The following NELL1 variants were observed in gnomAD, a reference collection of about 807,000 sequenced individuals.
The protein encoded by NELL1 is neural EGFL like 1, also known as protein kinase C-binding protein NELL1.
NELL1 carries 76 observed loss-of-function variants against 107.4 expected under a neutral mutation model. The observed-to-expected ratio is 0.71, with a 90% CI of 0.59 to 0.86. The LOEUF is 0.86. NELL1 is among the 40% of genes least tolerant of loss of function. The pLI is 0.00. For synonymous variants in NELL1, 353 were observed against 341.2 expected, an observed-to-expected ratio of 1.03 and a Z score of -0.38; for missense variants, 1,024 against 1,005.5, an observed-to-expected ratio of 1.02 and a Z score of -0.25.
intron 14 of NELL1, among the ~76,000 whole-genome samples, chr11:21,356,236 T>C (rs1437893002): frequency 6.6e-6 from 1 of 152,198 alleles, no homozygotes; most frequent in African/African-American, 2.4e-5. Flanking sequence ...AATATTTTTA[T>C]CTGTTCTGTT....
At chr11:21,419,991 C>T (rs1852619340) in intron 15 of NELL1, among the ~76,000 whole-genome samples, 1 of 151,970 alleles carries the variant, frequency 6.6e-6, no homozygotes, top group South Asian at 2.1e-4. Context: ...TTCATCTTAT[C>T]TGCCTCTGTG....
At chr11:21,477,615 A>G (rs890216272) in intron 15 of NELL1, among the ~76,000 whole-genome samples, 1 of 152,108 alleles carries the variant, frequency 6.6e-6, no homozygotes, top group African/African-American at 2.4e-5. Flanking sequence ...TATGAAGAAT[A>G]TAATAAATAC....
chr11:21,522,149 G>C (rs1053250463), intron 15 of NELL1, among the ~76,000 whole-genome samples: 2 of 151,816 alleles, frequency 1.3e-5, no homozygotes, highest in Admixed American at 1.3e-4. Context: ...CAGGAGAATG[G>C]CATGAACCCG....
chr11:21,086,805 T>C (rs1370734057), intron 12 of NELL1, among the ~76,000 whole-genome samples: 2 of 151,012 alleles, frequency 1.3e-5, no homozygotes, highest in Admixed American at 1.3e-4. Flanking sequence ...GAATAACAAG[T>C]AGACTGTTGA....
intron 2 of NELL1, among the ~76,000 whole-genome samples, chr11:20,733,400 A>G (rs1385678994): frequency 6.6e-6 from 1 of 152,196 alleles, no homozygotes; most frequent in Non-Finnish European, 1.5e-5. Flanking sequence ...ACAACTGCAA[A>G]TTCAGAGCAT....
intron 16 of NELL1, among the ~76,000 whole-genome samples, chr11:21,551,126 G>T (rs1383553572): frequency 2.6e-5 from 4 of 151,808 alleles, no homozygotes; most frequent in African/African-American, 9.7e-5. Flanking sequence ...GTTCACTCAT[G>T]ATTTGGCTCT....
intron 15 of NELL1, among the ~76,000 whole-genome samples, chr11:21,485,210 C>A (rs745999757): frequency 1.1e-4 from 16 of 152,124 alleles, no homozygotes; most frequent in Non-Finnish European, 2.2e-4. Context: ...TGAGCAGCTG[C>A]AACATAGTGC....
At chr11:21,523,593 AC>A (rs1332068280) in intron 15 of NELL1, among the ~76,000 whole-genome samples, 1 of 151,984 alleles carries the variant, frequency 6.6e-6, no homozygotes, top group Non-Finnish European at 1.5e-5. Context: ...TGATTACCTG[AC>A]TGGTATTCTC....
chr11:21,412,861 A>G (rs1852412592), intron 15 of NELL1, among the ~76,000 whole-genome samples: 1 of 152,086 alleles, frequency 6.6e-6, no homozygotes, highest in South Asian at 2.1e-4. Flanking sequence ...AGAAAGTCTC[A>G]TGAGTCCCAT....
intron 14 of NELL1, among the ~76,000 whole-genome samples, chr11:21,256,489 G>A (rs766907297): frequency 1.3e-5 from 2 of 151,938 alleles, no homozygotes; most frequent in Non-Finnish European, 2.9e-5. Flanking sequence ...TTGGCCTCAC[G>A]TCATAAGTAG....
At chr11:20,696,986 CA>C in intron 2 of NELL1, among the ~76,000 whole-genome samples, 1 of 152,190 alleles carries the variant, frequency 6.6e-6, no homozygotes, top group East Asian at 1.9e-4. Context: ...GGCTAAAACT[CA>C]ATGATTGGTT....
intron 12 of NELL1, among the ~76,000 whole-genome samples, chr11:20,982,999 G>C (rs148277972): frequency 6.6e-6 from 1 of 152,084 alleles, no homozygotes; most frequent in Non-Finnish European, 1.5e-5. Context: ...TTTAAGATCT[G>C]ATTTTCATTG....
intron 14 of NELL1, among the ~76,000 whole-genome samples, chr11:21,271,731 T>C (rs949500111): frequency 6.6e-6 from 1 of 152,102 alleles, no homozygotes; most frequent in Admixed American, 6.5e-5. Context: ...CTCAACAAAA[T>C]ATTAGTGAAT....
chr11:21,184,294 A>C (rs981711828), intron 13 of NELL1, among the ~76,000 whole-genome samples: 2 of 151,386 alleles, frequency 1.3e-5, no homozygotes, highest in African/African-American at 4.9e-5. Context: ...TTTGAGATGG[A>C]GTCTTGCTTT....
At chr11:20,792,340 A>G (rs188008176) in intron 3 of NELL1, among the ~76,000 whole-genome samples, 3 of 152,104 alleles carry the variant, frequency 2.0e-5, no homozygotes, top group Admixed American at 1.3e-4. Flanking sequence ...TGGAATCTCC[A>G]TAATAGTGGT....
At chr11:20,690,646 C>G (rs963469430) in intron 2 of NELL1, among the ~76,000 whole-genome samples, 2 of 151,472 alleles carry the variant, frequency 1.3e-5, no homozygotes, top group Non-Finnish European at 2.9e-5. Flanking sequence ...ATCTATATCT[C>G]TGTTTTGGTA....
At chr11:20,741,316 C>T (rs1481945694) in intron 2 of NELL1, among the ~76,000 whole-genome samples, 2 of 152,188 alleles carry the variant, frequency 1.3e-5, no homozygotes, top group South Asian at 4.1e-4. Context: ...CCCTCCTAGA[C>T]CCCGGGCTTA....
At chr11:21,510,639 T>C (rs535541796) in intron 15 of NELL1, among the ~76,000 whole-genome samples, 6 of 152,332 alleles carry the variant, frequency 3.9e-5, no homozygotes, top group African/African-American at 1.2e-4. Flanking sequence ...TCCTGTAGCA[T>C]GAAAAGGTAT....
intron 2 of NELL1, among the ~76,000 whole-genome samples, chr11:20,718,732 T>C (rs573873614): frequency 6.6e-5 from 10 of 152,322 alleles, no homozygotes; most frequent in Admixed American, 6.5e-4. Flanking sequence ...GTCTGGATTC[T>C]AGAACTTAAG....
Sources: gnomAD v4.1 joint callset for allele counts (sites outside exome capture counted in the v4.1 genomes callset) on GRCh38, gnomAD v4.1.1 for gene constraint, MANE v1.5 for transcripts, NCBI Gene and HGNC (gene_info 2026-07-23, HGNC 2026-07-21) for gene names.